Variants in A1CF observed in about 807,000 individuals in gnomAD.
A1CF encodes APOBEC-1 stimulating protein.
In A1CF, 48 loss-of-function variants were observed where a neutral mutation model predicts 68.9. The observed-to-expected ratio is 0.70, with a 90% CI of 0.55 to 0.89. The LOEUF (loss-of-function observed/expected upper bound fraction) is 0.89, where lower values mean the gene tolerates loss of function less well. A1CF is among the 40% of genes least tolerant of loss of function. A1CF has a pLI of 0.00. For missense variants in A1CF, 653 were observed against 718.9 expected, an observed-to-expected ratio of 0.91 and a Z score of 1.05; for synonymous variants, 272 against 260.4, an observed-to-expected ratio of 1.04 and a Z score of -0.43.
At chr10:50,863,743 G>A (rs557187590) in intron 2 of A1CF, among the ~76,000 whole-genome samples, 6 of 152,220 alleles carry the variant, frequency 3.9e-5, no homozygotes, top group Non-Finnish European at 7.4e-5. Context: ...GTGGGGAGAA[G>A]GAGATGAATA....
chr10:50,811,304 T>A (rs189059930), intron 10 of A1CF, 128 bp from the exon 11 acceptor site: 160 of 852,458 alleles, frequency 1.9e-4, no homozygotes, highest in Admixed American at 1.1e-3. Context: ...TGCCACATGA[T>A]TTAATGACTC....
intron 5 of A1CF, among the ~76,000 whole-genome samples, chr10:50,840,827 G>C (rs923559962): frequency 1.3e-5 from 2 of 152,188 alleles, no homozygotes; most frequent in East Asian, 3.8e-4. Context: ...TTCCTCTGCT[G>C]TTCTTCCAGT....
chr10:50,833,042 G>C (rs758099676), intron 6 of A1CF, among the ~76,000 whole-genome samples: 38 of 152,086 alleles, frequency 2.5e-4, no homozygotes. Context: ...CACAAAATTT[G>C]ACTGAAGAAT....
chr10:50,836,351 T>A, intron 5 of A1CF, 39 bp from the exon 6 acceptor site: 1 of 1,578,564 alleles, frequency 6.3e-7, no homozygotes, highest in Non-Finnish European at 8.6e-7. Flanking sequence ...TGAGAATCCT[T>A]GTAGGATTCA....
chr10:50,861,646 T>A (rs1437885985), intron 2 of A1CF, among the ~76,000 whole-genome samples: 4 of 147,942 alleles, frequency 2.7e-5, no homozygotes, highest in Non-Finnish European at 3.0e-5. Flanking sequence ...GTAGCACTAT[T>A]AATAATGACA....
Position 50,816,134 on chromosome 10 carries a change from G to A in A1CF, c.1013C>T (p.Thr338Ile). ...GACAGGAGCTCCAAGGTAGGTTGTG[G>A]TGGGATCATAAACTTGGCCCAAAGA... is the stretch of plus-strand genomic sequence containing the variant. ...TYSLGQVYDP[T>I]TTYLGAPVFY... The change falls in exon 9 of 13, where the codon ACC becomes ATC. Residue 338 changes from threonine (T) to isoleucine (I), a missense_variant. Physicochemically the swap from Thr to Ile is moderately conservative, Grantham distance 89. Coordinates refer to ENST00000373997, the MANE Select transcript of A1CF (RefSeq NM_014576.4). 6.2e-7 allele frequency: 1 copy of A among 1,613,796 alleles called. No individual in the cohort carries two copies. Among genetic ancestry groups the A allele is most frequent in the Non-Finnish European group, 8.5e-7 (1 of 1,179,850 alleles).
At position 50,802,502 on chromosome 10, in the gene A1CF, C is replaced by G. The variant is rs1461314175; in HGVS notation, c.*4227G>C. 1 of 152,082 alleles carries G rather than the reference C, an allele frequency of 6.6e-6. No individual in the cohort carries two copies. The highest frequency in any genetic ancestry group is 6.5e-5 in the Admixed American group (1 of 15,272). 9.4% of individuals were successfully genotyped at this position (152,082 alleles called of 1,614,324 possible). On this transcript the variant is annotated 3_prime_UTR_variant, in exon 13 of 13. Transcript: ENST00000373997. Reference sequence around the variant, plus strand: ...GTTTTATCTTTAACAGATGTATTTACAATATATGAAAGTGTATCTACAATA... The same window carrying G: ...GTTTTATCTTTAACAGATGTATTTAGAATATATGAAAGTGTATCTACAATA...
At chr10:50,823,119 T>C (rs1361412805) in intron 7 of A1CF, 1 of 152,204 alleles carries the variant, frequency 6.6e-6, no homozygotes, top group Non-Finnish European at 1.5e-5. Context: ...ATATCTGAAA[T>C]TATCTTACAC....
intron 1 of A1CF, among the ~76,000 whole-genome samples, chr10:50,878,908 C>A (rs1841645380): frequency 6.6e-6 from 1 of 152,142 alleles, no homozygotes; most frequent in Admixed American, 6.5e-5. Flanking sequence ...CCTTAAAGAT[C>A]AGACAAATAC....
At chr10:50,832,660 G>A (rs1385385568) in intron 6 of A1CF, among the ~76,000 whole-genome samples, 1 of 152,156 alleles carries the variant, frequency 6.6e-6, no homozygotes, top group Non-Finnish European at 1.5e-5. Flanking sequence ...AATCATCCTG[G>A]CTAGAAAACA....
At chr10:50,857,980 G>A (rs190442324) in intron 3 of A1CF, among the ~76,000 whole-genome samples, 1 of 152,282 alleles carries the variant, frequency 6.6e-6, no homozygotes, top group East Asian at 1.9e-4. Context: ...GCCCAATGAA[G>A]GTAGCTCAGT....
chr10:50,828,433 G>GTTGAT, intron 6 of A1CF, 138 bp from the exon 7 acceptor site: 1 of 587,980 alleles, frequency 1.7e-6, no homozygotes, highest in Non-Finnish European at 2.8e-6. Flanking sequence ...ACTGGTGAGT[G>GTTGAT]TTGATCTTAA....
intron 1 of A1CF, among the ~76,000 whole-genome samples, chr10:50,867,846 G>T (rs1841066526): frequency 6.6e-6 from 1 of 152,140 alleles, no homozygotes; most frequent in Non-Finnish European, 1.5e-5. Context: ...CTGCAACGTG[G>T]TAGACAATTT....
intron 6 of A1CF, 156 bp from the exon 7 acceptor site, chr10:50,828,451 T>A: frequency 2.0e-6 from 1 of 494,118 alleles, no homozygotes; most frequent in Non-Finnish European, 3.4e-6. Context: ...TAAGAGACAT[T>A]CCAAGTGGAG....
intron 2 of A1CF, among the ~76,000 whole-genome samples, chr10:50,863,198 C>T (rs1840825195): frequency 6.6e-6 from 1 of 152,188 alleles, no homozygotes; most frequent in African/African-American, 2.4e-5. Flanking sequence ...ATGAGAAACA[C>T]TTAATCTTTA....
chr10:50,813,856 C>T lies in A1CF; in HGVS notation c.1323+1G>A. 1 of 1,613,180 alleles carries T rather than the reference C, an allele frequency of 6.2e-7. No homozygotes were observed. The highest frequency in any genetic ancestry group is 8.5e-7 in the Non-Finnish European group (1 of 1,179,264). On this transcript the variant is annotated splice_donor_variant, in intron 10 of 12. Coordinates refer to ENST00000373997, the MANE Select transcript of A1CF (RefSeq NM_014576.4). LOFTEE classifies it high-confidence loss of function. ...ACTATTTCTGGAATAACATTACCTACCTGGGGAGCGAGTTTAATTCCTTGG... is the reference window on the plus strand; with the variant it reads ...ACTATTTCTGGAATAACATTACCTATCTGGGGAGCGAGTTTAATTCCTTGG...
At chr10:50,835,934 G>C (rs1839465962) in intron 6 of A1CF, 140 bp downstream of exon 6, 1 of 772,132 alleles carries the variant, frequency 1.3e-6, no homozygotes, top group Non-Finnish European at 2.0e-6. Flanking sequence ...GGAATCAACT[G>C]TGAGACAGTG....
intron 1 of A1CF, among the ~76,000 whole-genome samples, chr10:50,884,684 A>G (rs1043596519): frequency 6.6e-6 from 1 of 152,244 alleles, no homozygotes; most frequent in African/African-American, 2.4e-5. Context: ...GATATACAAT[A>G]CATATCTGAA....
intron 8 of A1CF, among the ~76,000 whole-genome samples, chr10:50,817,602 C>A (rs1218617710): frequency 1.3e-5 from 2 of 152,102 alleles, no homozygotes; most frequent in Non-Finnish European, 2.9e-5. Flanking sequence ...AAAAGTAGAC[C>A]TGGCATACTG....
Sources: gnomAD v4.1 joint callset for allele counts (sites outside exome capture counted in the v4.1 genomes callset) on GRCh38, gnomAD v4.1.1 for gene constraint, MANE v1.5 for transcripts, NCBI Gene and HGNC (gene_info 2026-07-23, HGNC 2026-07-21) for gene names.